The following PLXNC1 variants were observed in gnomAD, a reference collection of about 807,000 sequenced individuals.
The protein encoded by PLXNC1 is plexin-C1.
Under a neutral mutation model 178.2 loss-of-function variants are expected in PLXNC1, and 75 were observed. The observed-to-expected ratio is 0.42, with a 90% CI of 0.35 to 0.51. The LOEUF is 0.51. Among genes scored for constraint, PLXNC1 ranks in the 20% least tolerant of loss-of-function variants. PLXNC1 has a pLI of 0.02. For missense variants in PLXNC1, 1,503 were observed against 1,984.4 expected (o/e 0.76, Z 4.61); for synonymous variants, 790 against 779.9 (o/e 1.01, Z -0.22).
At chr12:94,288,607 G>A (rs1314768374) in intron 23 of PLXNC1, among the ~76,000 whole-genome samples, 2 of 152,246 alleles carry the variant, frequency 1.3e-5, no homozygotes, top group African/African-American at 4.8e-5. Flanking sequence ...ACCAGCCTGT[G>A]GAGGATGTTC....
intron 11 of PLXNC1, 69 bp downstream of exon 11, chr12:94,240,733 T>C (rs772980934): frequency 2.6e-5 from 32 of 1,213,966 alleles, no homozygotes; most frequent in Non-Finnish European, 3.4e-5. Flanking sequence ...TCATTGATTT[T>C]ATTCAAGTAA....
intron 21 of PLXNC1, among the ~76,000 whole-genome samples, chr12:94,275,076 C>A (rs1965832865): frequency 6.6e-6 from 1 of 152,196 alleles, no homozygotes; most frequent in Non-Finnish European, 1.5e-5. Flanking sequence ...TGGTGAGCAG[C>A]AGAGAATGGG....
chr12:94,254,105 C>G (rs906256512), intron 15 of PLXNC1, among the ~76,000 whole-genome samples: 5 of 152,322 alleles, frequency 3.3e-5, no homozygotes, highest in Admixed American at 3.3e-4. Flanking sequence ...CCCAGCATCA[C>G]AGTGAGATAG....
chr12:94,274,563 A>T (rs894833643), intron 21 of PLXNC1, among the ~76,000 whole-genome samples: 3 of 152,218 alleles, frequency 2.0e-5, no homozygotes, highest in Non-Finnish European at 4.4e-5. Context: ...CCAAGGAAAT[A>T]GGAAGAGGCA....
At chr12:94,168,886 AG>A (rs1475095116) in intron 1 of PLXNC1, among the ~76,000 whole-genome samples, 2 of 152,296 alleles carry the variant, frequency 1.3e-5, no homozygotes, top group African/African-American at 2.4e-5. Context: ...ATATCAGCTG[AG>A]GGGTGTTAGA....
intron 4 of PLXNC1, among the ~76,000 whole-genome samples, chr12:94,189,416 C>T (rs1434005964): frequency 3.9e-5 from 6 of 152,140 alleles, no homozygotes; most frequent in Non-Finnish European, 7.4e-5. Flanking sequence ...CGGTGACTCA[C>T]ACCTATATTC....
chr12:94,166,038 C>T, intron 1 of PLXNC1, among the ~76,000 whole-genome samples: 1 of 152,102 alleles, frequency 6.6e-6, no homozygotes, highest in Non-Finnish European at 1.5e-5. Flanking sequence ...TTAGGAAAGC[C>T]AGTGTCTGGC....
chr12:94,240,104 C>G (rs1964346882), intron 10 of PLXNC1, among the ~76,000 whole-genome samples: 1 of 152,158 alleles, frequency 6.6e-6, no homozygotes, highest in Non-Finnish European at 1.5e-5. Context: ...CTAAATACTT[C>G]AGTACCTCTC....
Position 94,260,437 on chromosome 12 carries a change from G to A in PLXNC1, c.3252-205G>A, listed in dbSNP as rs908896539. On this transcript the variant is annotated intron_variant, in intron 19 of 30. Transcript: ENST00000258526. The surrounding 1 kb of genome is among the most constrained non-coding windows in gnomAD (Gnocchi z 4.4). The stretch of plus-strand genomic sequence containing the variant: ...CGAAACTTTGGAAGACTCACATCTT[G>A]TTACCACTCTAGTTTAAATGCTGAA... Among the ~76,000 whole-genome samples, 1 of 149,534 alleles carries A rather than the reference G, an allele frequency of 6.7e-6. No homozygotes were observed. Among genetic ancestry groups the A allele is most frequent in the African/African-American group, 2.5e-5 (1 of 40,470 alleles).
At chr12:94,205,712 A>G (rs191031981) in intron 4 of PLXNC1, among the ~76,000 whole-genome samples, 2 of 152,130 alleles carry the variant, frequency 1.3e-5, no homozygotes, top group African/African-American at 2.4e-5. Flanking sequence ...TTCTCCCCCA[A>G]ATCCTTGCTA....
intron 5 of PLXNC1, among the ~76,000 whole-genome samples, chr12:94,219,304 A>G (rs1963726604): frequency 6.6e-6 from 1 of 152,240 alleles, no homozygotes; most frequent in African/African-American, 2.4e-5. Flanking sequence ...AATATAGGAC[A>G]AAATGATATT....
intron 23 of PLXNC1, among the ~76,000 whole-genome samples, chr12:94,286,412 A>G (rs1166772489): frequency 5.3e-5 from 8 of 152,092 alleles, no homozygotes; most frequent in Admixed American, 5.2e-4. Flanking sequence ...ACCTACATCT[A>G]TATTTGATTA....
intron 20 of PLXNC1, among the ~76,000 whole-genome samples, chr12:94,261,185 C>T (rs564678675): frequency 1.6e-4 from 25 of 152,222 alleles, no homozygotes; most frequent in Non-Finnish European, 2.4e-4. Flanking sequence ...TGTTTCAGGC[C>T]CTCTGAAGCA....
chr12:94,214,311 C>A (rs370618471), intron 5 of PLXNC1, among the ~76,000 whole-genome samples: 7 of 151,676 alleles, frequency 4.6e-5, no homozygotes, highest in African/African-American at 1.7e-4. Context: ...GGTCTCAAAC[C>A]CCTGGGCTCA....
chr12:94,233,935 G>A (rs1366865802), intron 9 of PLXNC1, among the ~76,000 whole-genome samples: 1 of 152,034 alleles, frequency 6.6e-6, no homozygotes, highest in Non-Finnish European at 1.5e-5. Flanking sequence ...CACTCCTGTA[G>A]GGCCCTACAG....
At chr12:94,248,192 C>A in intron 13 of PLXNC1, 35 bp from the exon 14 acceptor site, 2 of 1,595,572 alleles carry the variant, frequency 1.3e-6, no homozygotes, top group Non-Finnish European at 1.7e-6. Flanking sequence ...TCTACATGTG[C>A]TCTGATTTCT....
intron 17 of PLXNC1, among the ~76,000 whole-genome samples, chr12:94,257,589 C>G (rs1485309896): frequency 6.6e-6 from 1 of 152,068 alleles, no homozygotes; most frequent in Non-Finnish European, 1.5e-5. Context: ...GCCTGGCCAA[C>G]ATGGTGAAAC....
rs1040098135 is a variant in PLXNC1, at chr12:94,201,632, C to G, written c.1440-7958C>G. ...GGCACAACCACTATCCTCCTTCCTT[C>G]ACTAAGTTCTAGCCAAGCTGGTCTA... is the stretch of plus-strand genomic sequence containing the variant. On this transcript the variant is annotated intron_variant, in intron 4 of 30. Transcript: ENST00000258526. Among the ~76,000 whole-genome samples the G allele has an allele frequency of 2.0e-5, 3 of 152,130 alleles. No homozygotes were observed. The South Asian group carries it at 6.2e-4, about 32-fold the overall frequency.
chr12:94,182,085 AT>A (rs1172969816), intron 3 of PLXNC1, among the ~76,000 whole-genome samples: 1 of 152,042 alleles, frequency 6.6e-6, no homozygotes, highest in East Asian at 1.9e-4. Flanking sequence ...AAAGTAATAT[AT>A]TTTTATATTT....
Sources: allele counts gnomAD v4.1 joint callset (sites outside exome capture counted in the v4.1 genomes callset), GRCh38; gene constraint gnomAD v4.1.1; non-coding constraint Gnocchi (gnomAD v3.1); transcripts MANE v1.5; gene names NCBI Gene and HGNC (gene_info 2026-07-23, HGNC 2026-07-21).